Variants in TCF3 observed in about 807,000 individuals in gnomAD.
The protein encoded by TCF3 is transcription factor 3.
TCF3 carries 54 observed loss-of-function variants against 72.3 expected under a neutral mutation model. The observed-to-expected ratio is 0.75, with a 90% CI of 0.60 to 0.94. TCF3 has a LOEUF of 0.94. TCF3 is among the 40% of genes least tolerant of loss of function. The probability of loss-of-function intolerance (pLI) is 0.00; values close to 1 mark genes in which losing one functional copy is unlikely to be tolerated. For synonymous variants in TCF3, 525 were observed against 412.6 expected (o/e 1.27, Z -3.30); for missense variants, 1,078 against 934.4 (o/e 1.15, Z -2.00).
chr19:1,640,551 G>C (rs2065087629), intron 3 of TCF3, among the ~76,000 whole-genome samples: 1 of 151,990 alleles, frequency 6.6e-6, no homozygotes, highest in African/African-American at 2.4e-5. Context: ...GTAAGCAGTG[G>C]CTCACACCTG....
chr19:1,651,073 C>A, intron 1 of TCF3: 1 of 232,254 alleles, frequency 4.3e-6, no homozygotes, highest in East Asian at 6.1e-5. Context: ...GCGGGGAGAG[C>A]GTCTCAAGAC....
In TCF3 at chr19:1,614,449, G is replaced by A. The variant is rs781233996; in HGVS notation, c.1822+836C>T. 6.2e-4 allele frequency among the ~76,000 whole-genome samples: 94 copies of A among 152,340 alleles called. No individual in the cohort carries two copies. Among genetic ancestry groups the A allele is most frequent in the Admixed American group, 3.0e-3 (46 of 15,308 alleles). On this transcript the variant is annotated intron_variant, in intron 18 of 18. Coordinates refer to ENST00000262965, the MANE Select transcript of TCF3 (RefSeq NM_003200.5). The surrounding 1 kb of genome is among the most constrained non-coding windows in gnomAD (Gnocchi z 5.6). ...AGGAGGGGCTGCCACGGGAAGCAGA[G>A]GGACGGACGGGCGGGATGGAGGGGA...
intron 6 of TCF3, among the ~76,000 whole-genome samples, chr19:1,627,156 T>C (rs2062985604): frequency 2.6e-5 from 4 of 152,184 alleles, no homozygotes; most frequent in African/African-American, 7.2e-5. Context: ...CCTGCAGGCC[T>C]TGGCCTCCCT....
Position 1,615,506 on chromosome 19 carries a change from T to A in TCF3, c.1601A>T (p.Glu534Val), listed in dbSNP as rs759183692. 6.2e-7 allele frequency: 1 copy of A among 1,608,702 alleles called. No individual in the cohort carries two copies. Among genetic ancestry groups the A allele is most frequent in the African/African-American group, 1.3e-5 (1 of 74,914 alleles). ...CTGCTCTGGGGGGAGAAGGTCGTCC[T>A]CGTCCTCGTCTGGGCTATGGGGAGG... is the stretch of plus-strand genomic sequence containing the variant. Reference protein sequence around the residue: ...PRARTSPDEDEDDLLPPEQKA... With the variant: ...PRARTSPDEDVDDLLPPEQKA... Residue 534 changes from glutamate (E) to valine (V), a missense_variant, in exon 18 of 19, where the codon GAG (glutamate) becomes GTG (valine). Glu to Val is a moderately radical substitution (Grantham distance 121). Transcript: ENST00000262965. The surrounding 1 kb of genome is among the most constrained non-coding windows in gnomAD (Gnocchi z 7.3).
chr19:1,645,250 A>T (rs1044654011), intron 3 of TCF3, among the ~76,000 whole-genome samples: 30 of 152,002 alleles, frequency 2.0e-4, no homozygotes, highest in African/African-American at 7.3e-4. Flanking sequence ...GGAAGGACAC[A>T]GCTTCAGAGG....
chr19:1,609,762 C>A lies in TCF3; in HGVS notation c.*1945G>T, dbSNP rs1026543811. ...GGCAGATACCAGGCATTGAGCTGGCCTTGAGGTTTCCCTTGCATCTACCAT... is the reference window on the plus strand; with the variant it reads ...GGCAGATACCAGGCATTGAGCTGGCATTGAGGTTTCCCTTGCATCTACCAT... On this transcript the variant is annotated 3_prime_UTR_variant, in exon 19 of 19. Transcript: ENST00000262965. The A allele has an allele frequency of 8.7e-6, 2 of 230,566 alleles. No homozygotes were observed. Among genetic ancestry groups the A allele is most frequent in the Admixed American group, 5.7e-5 (1 of 17,676 alleles). The allele number at this position is 230,566 out of a possible 1,614,324, so 14.3% of individuals were successfully genotyped here.
rs758364279 is a variant in TCF3, at chr19:1,611,487, G to A, written c.*220C>T. The A allele has an allele frequency of 1.5e-5, 8 of 517,886 alleles. No individual in the cohort carries two copies. The highest frequency in any genetic ancestry group is 2.7e-5 in the Non-Finnish European group (8 of 301,792). The allele number at this position is 517,886 out of a possible 1,614,324, so 32.1% of individuals were successfully genotyped here. A position where few individuals can be genotyped will look rare whatever the true frequency, so the allele number is the denominator to read the frequency against. On this transcript the variant is annotated 3_prime_UTR_variant, in exon 19 of 19. Transcript: ENST00000262965. ...GCTGAGATTCGGGGACAGGGGGAGC[G>A]AGGCCAGTGAGTGGTAGGCCAGGGC... is the stretch of plus-strand genomic sequence containing the variant.
In TCF3 at chr19:1,609,978, A is replaced by T. The variant is rs1232354219; in HGVS notation, c.*1729T>A. 1 of 232,808 alleles carries T rather than the reference A, an allele frequency of 4.3e-6. No homozygotes were observed. The highest frequency in any genetic ancestry group is 6.0e-5 in the East Asian group (1 of 16,538). 14.4% of individuals were successfully genotyped at this position (232,808 alleles called of 1,614,324 possible). On this transcript the variant is annotated 3_prime_UTR_variant, in exon 19 of 19. Transcript: ENST00000262965. ...GCATGAAGGGCACATGAAGGCCCCC[A>T]GCTAGCCAGGCCCACACCTGGGTGC... is the stretch of plus-strand genomic sequence containing the variant.
At chr19:1,645,829 G>A (rs1328376732) in intron 3 of TCF3, among the ~76,000 whole-genome samples, 2 of 152,210 alleles carry the variant, frequency 1.3e-5, no homozygotes, top group Admixed American at 1.3e-4. Context: ...GCGGGTCCCA[G>A]GAATTGCCCC....
chr19:1,627,221 G>GCC, intron 6 of TCF3, 138 bp downstream of exon 6: 4 of 451,874 alleles, frequency 8.9e-6, no homozygotes, highest in East Asian at 5.1e-5. Flanking sequence ...GCCCACCCTG[G>GCC]CCCAAGCCCA....
chr19:1,641,121 C>T lies in TCF3; in HGVS notation c.145+5234G>A, dbSNP rs191961131. On this transcript the variant is annotated intron_variant, in intron 3 of 18. Transcript: ENST00000262965. Reference sequence around the variant, plus strand: ...AGGTTGCAGTGAGCTGAGATCGTGCCACTGCACTCCAGCCTGGGCAACAAG... The same window carrying T: ...AGGTTGCAGTGAGCTGAGATCGTGCTACTGCACTCCAGCCTGGGCAACAAG... Among the ~76,000 whole-genome samples the T allele has an allele frequency of 2.4e-3, 341 of 142,678 alleles. 2 individuals are homozygous for T. Among genetic ancestry groups the T allele is most frequent in the Non-Finnish European group, 4.8e-4 (32 of 67,054 alleles). 93.6% of individuals were successfully genotyped at this position (142,678 alleles called of 152,430 possible).
chr19:1,618,101 C>G (rs2061738923), intron 16 of TCF3, among the ~76,000 whole-genome samples: 1 of 152,266 alleles, frequency 6.6e-6, no homozygotes, highest in Non-Finnish European at 1.5e-5. Flanking sequence ...CAACAATCCC[C>G]AGGCCCAGGT....
At position 1,615,491 on chromosome 19, in the gene TCF3, G is replaced by A. The variant is rs1568331822; in HGVS notation, c.1616C>T (p.Pro539Leu). 2.5e-6 allele frequency: 4 copies of A among 1,610,580 alleles called. No individual in the cohort carries two copies. Among genetic ancestry groups the A allele is most frequent in the Non-Finnish European group, 3.4e-6 (4 of 1,179,868 alleles). The change falls in exon 18 of 19, where the codon CCC becomes CTC. Residue 539 changes from proline (P) to leucine (L), a missense_variant. Physicochemically the swap from Pro to Leu is moderately conservative, Grantham distance 98. Transcript: ENST00000262965. The surrounding 1 kb of genome is among the most constrained non-coding windows in gnomAD (Gnocchi z 7.3). ...SPDEDEDDLL[P>L]PEQKAEREKE... is the part of the protein sequence containing the mutation. Reference sequence around the variant, plus strand: ...CTCCCGCTCGGCCTTCTGCTCTGGGGGGAGAAGGTCGTCCTCGTCCTCGTC... The same window carrying A: ...CTCCCGCTCGGCCTTCTGCTCTGGGAGGAGAAGGTCGTCCTCGTCCTCGTC...
Position 1,652,410 on chromosome 19 carries a change from T to G in TCF3, c.-150A>C. ...CGGCCGGGCCCCCGAGGGTCGCGCG[T>G]GGGCGGCGGCGGCGGCGCGCGTGGC... On this transcript the variant is annotated 5_prime_UTR_variant, in exon 1 of 19. Transcript: ENST00000262965. The G allele has an allele frequency of 7.3e-6, 1 of 136,620 alleles. No homozygotes were observed. Among genetic ancestry groups the G allele is most frequent in the Non-Finnish European group, 1.6e-5 (1 of 62,556 alleles). 8.5% of individuals were successfully genotyped at this position (136,620 alleles called of 1,614,324 possible). A position where few individuals can be genotyped will look rare whatever the true frequency, so the allele number is the denominator to read the frequency against.
intron 5 of TCF3, among the ~76,000 whole-genome samples, chr19:1,627,773 CGGGGTGAGGTGGGA>C (rs2063088817): frequency 3.5e-5 from 5 of 141,368 alleles, no homozygotes; most frequent in African/African-American, 1.3e-4. Context: ...GCAGAGCTCA[CGGGGTGAGGTGGGA>C]AGGGGACAGC....
chr19:1,645,215 G>A (rs1358082200), intron 3 of TCF3, among the ~76,000 whole-genome samples: 2 of 152,008 alleles, frequency 1.3e-5, no homozygotes, highest in Non-Finnish European at 2.9e-5. Context: ...GCAGGACGGC[G>A]CTTTCCACCC....
Position 1,624,613 on chromosome 19 carries a change from TA to T in TCF3, c.500-614del, listed in dbSNP as rs757924353. Among the ~76,000 whole-genome samples, 130 of 152,136 alleles carry T rather than the reference TA, an allele frequency of 8.5e-4. 1 individual carries two copies. Among genetic ancestry groups the T allele is most frequent in the Non-Finnish European group, 2.1e-4 (14 of 68,034 alleles). On this transcript the variant is annotated intron_variant, in intron 7 of 18. Coordinates refer to ENST00000262965, the MANE Select transcript of TCF3 (RefSeq NM_003200.5). ...ATCCCACGCAGTCAGGCTTCACCAC[TA>T]GGGGCTGCTGTTTGCAAACTCGCCT...
intron 18 of TCF3, among the ~76,000 whole-genome samples, chr19:1,613,598 C>T (rs1376052510): frequency 1.3e-5 from 2 of 152,136 alleles, no homozygotes; most frequent in Non-Finnish European, 2.9e-5. Context: ...ACAGAGGAGG[C>T]CTTGAAGACA....
At chr19:1,643,116 G>A (rs185607861) in intron 3 of TCF3, among the ~76,000 whole-genome samples, 28 of 152,266 alleles carry the variant, frequency 1.8e-4, no homozygotes, top group Non-Finnish European at 3.2e-4. Flanking sequence ...AATGGGAGGC[G>A]GTGGGTGGGA....
Sources: allele counts gnomAD v4.1 joint callset (sites outside exome capture counted in the v4.1 genomes callset), GRCh38; gene constraint gnomAD v4.1.1; non-coding constraint Gnocchi (gnomAD v3.1); transcripts MANE v1.5; gene names NCBI Gene and HGNC (gene_info 2026-07-23, HGNC 2026-07-21).